Variants in MARCHF1 observed in about 807,000 individuals in gnomAD.
MARCHF1 encodes the protein membrane associated ring-CH-type finger 1.
In MARCHF1, 40 loss-of-function variants were observed where a neutral mutation model predicts 54.2. The ratio of observed to expected loss-of-function variants is 0.74; its 90% CI spans 0.57 to 0.96. The LOEUF (loss-of-function observed/expected upper bound fraction) is 0.96. MARCHF1 is among the 40% of genes least tolerant of loss of function. The pLI is 0.00. For missense variants in MARCHF1, 586 were observed against 656.5 expected (o/e 0.89, Z 1.17); for synonymous variants, 236 against 236.3 (o/e 1.00, Z 0.01).
intron 1 of MARCHF1, chr4:164,197,402 G>A (rs1467257957): frequency 1.2e-6 from 2 of 1,613,340 alleles, no homozygotes; most frequent in Non-Finnish European, 1.7e-6. Context: ...TGTTTCAGTG[G>A]CTCTATTGTG....
intron 3 of MARCHF1, among the ~76,000 whole-genome samples, chr4:163,964,820 G>T (rs1752410644): frequency 6.6e-6 from 1 of 151,896 alleles, no homozygotes; most frequent in African/African-American, 2.4e-5. Context: ...CCTCAATTCA[G>T]ATTCAGAAAT....
At chr4:163,644,081 T>A (rs1019828298) in intron 5 of MARCHF1, among the ~76,000 whole-genome samples, 1 of 152,166 alleles carries the variant, frequency 6.6e-6, no homozygotes, top group African/African-American at 2.4e-5. Context: ...AACATTTAGG[T>A]AAAGCTAATA....
chr4:163,645,244 A>T (rs1742709306), intron 5 of MARCHF1, among the ~76,000 whole-genome samples: 1 of 152,186 alleles, frequency 6.6e-6, no homozygotes, highest in African/African-American at 2.4e-5. Context: ...CCACCAGAGC[A>T]CTGCTAACAG....
chr4:164,300,159 C>G (rs1734516763), intron 1 of MARCHF1, among the ~76,000 whole-genome samples: 1 of 148,422 alleles, frequency 6.7e-6, no homozygotes, highest in African/African-American at 2.6e-5. Flanking sequence ...CCTCTCCTTC[C>G]TCCCTACTTC....
At chr4:164,190,270 A>AGC in intron 1 of MARCHF1, 1 of 971,226 alleles carries the variant, frequency 1.0e-6, no homozygotes, top group Non-Finnish European at 1.6e-6. Flanking sequence ...CTTATCAGCA[A>AGC]ACTCTATGGA....
intron 5 of MARCHF1, among the ~76,000 whole-genome samples, chr4:163,680,569 C>A (rs961708793): frequency 6.6e-6 from 1 of 152,216 alleles, no homozygotes; most frequent in Non-Finnish European, 1.5e-5. Flanking sequence ...TCGTCACTCT[C>A]TAGATTTGCT....
intron 7 of MARCHF1, among the ~76,000 whole-genome samples, chr4:163,606,453 A>G (rs1405009464): frequency 6.6e-6 from 1 of 152,092 alleles, no homozygotes; most frequent in Non-Finnish European, 1.5e-5. Context: ...ACATGAAAGT[A>G]GAGAATATAT....
At chr4:163,778,845 T>C (rs1427468562) in intron 4 of MARCHF1, among the ~76,000 whole-genome samples, 2 of 151,774 alleles carry the variant, frequency 1.3e-5, no homozygotes, top group Non-Finnish European at 2.9e-5. Flanking sequence ...CAATAGAGAC[T>C]AGAATGAGTG....
At chr4:164,247,689 G>A (rs1350808872) in intron 1 of MARCHF1, among the ~76,000 whole-genome samples, 1 of 151,170 alleles carries the variant, frequency 6.6e-6, no homozygotes, top group Admixed American at 6.6e-5. Context: ...TGAAGGACAA[G>A]GGGAATGAAA....
At chr4:164,211,345 A>G (rs890175693) in intron 1 of MARCHF1, among the ~76,000 whole-genome samples, 6 of 117,970 alleles carry the variant, frequency 5.1e-5, no homozygotes, top group African/African-American at 1.6e-4. Flanking sequence ...ATATATATAT[A>G]TATATATATA....
intron 2 of MARCHF1, among the ~76,000 whole-genome samples, chr4:164,064,570 T>A (rs558431723): frequency 1.6e-4 from 25 of 152,342 alleles, no homozygotes; most frequent in Non-Finnish European, 3.5e-4. Context: ...TGGGATTTTC[T>A]AGATATAGAA....
intron 1 of MARCHF1, among the ~76,000 whole-genome samples, chr4:164,334,183 G>A (rs1482897806): frequency 3.3e-5 from 5 of 152,192 alleles, no homozygotes; most frequent in East Asian, 1.9e-4. Flanking sequence ...GGTAATTGAT[G>A]AAGGTAGCTG....
rs1752939798 is a variant in MARCHF1, at chr4:163,989,815, A to G, written c.-247-1106T>C. On this transcript the variant is annotated intron_variant, in intron 2 of 9. Coordinates refer to ENST00000514618, the MANE Select transcript of MARCHF1 (RefSeq NM_001394959.1). ...GAGATGTACATTGTATATTTTCTGC[A>G]TATTGTGAATAGATCAGATCTCCCA... Among the ~76,000 whole-genome samples the G allele has an allele frequency of 2.0e-5, 3 of 152,118 alleles. No individual in the cohort carries two copies. The South Asian group carries it at 6.2e-4, about 32-fold the overall frequency.
intron 1 of MARCHF1, among the ~76,000 whole-genome samples, chr4:164,268,441 G>A (rs1470640689): frequency 6.6e-6 from 1 of 152,172 alleles, no homozygotes; most frequent in Non-Finnish European, 1.5e-5. Flanking sequence ...TGACAGATGT[G>A]ATGGCTTGCA....
intron 2 of MARCHF1, among the ~76,000 whole-genome samples, chr4:164,053,261 A>T (rs1291651131): frequency 3.3e-5 from 5 of 152,138 alleles, no homozygotes; most frequent in Non-Finnish European, 7.4e-5. Flanking sequence ...GTTACCAATG[A>T]CCATTTCTCA....
intron 4 of MARCHF1, among the ~76,000 whole-genome samples, chr4:163,844,604 A>C (rs1355198586): frequency 6.6e-6 from 1 of 152,194 alleles, no homozygotes; most frequent in Non-Finnish European, 1.5e-5. Context: ...GATTCAATAT[A>C]GAGTAGCCAG....
At chr4:164,329,448 A>G (rs866063461) in intron 1 of MARCHF1, among the ~76,000 whole-genome samples, 1 of 152,242 alleles carries the variant, frequency 6.6e-6, no homozygotes, top group African/African-American at 2.4e-5. Context: ...AGACGGAAAA[A>G]AAAGGTCATG....
chr4:163,913,735 A>G (rs1358590713), intron 3 of MARCHF1, among the ~76,000 whole-genome samples: 1 of 152,158 alleles, frequency 6.6e-6, no homozygotes, highest in Non-Finnish European at 1.5e-5. Flanking sequence ...CCCCAATCCT[A>G]CTGCTTTCTG....
At chr4:163,548,131 C>T (rs2203107) in intron 8 of MARCHF1, among the ~76,000 whole-genome samples, 76 of 151,844 alleles carry the variant, frequency 5.0e-4, no homozygotes, top group African/African-American at 1.7e-3. Flanking sequence ...GGTTTATTGT[C>T]GTATTAATCT....
Sources: gnomAD v4.1 joint callset for allele counts (sites outside exome capture counted in the v4.1 genomes callset) on GRCh38, gnomAD v4.1.1 for gene constraint, MANE v1.5 for transcripts, NCBI Gene and HGNC (gene_info 2026-07-23, HGNC 2026-07-21) for gene names.